The following NCKAP5 variants were observed in gnomAD, a reference collection of about 807,000 sequenced individuals.
The protein encoded by NCKAP5 is nck-associated protein 5.
A neutral mutation model predicts 167.0 loss-of-function variants in NCKAP5; 92 were observed. The observed-to-expected ratio is 0.55, with a 90% CI of 0.47 to 0.66. NCKAP5 has a LOEUF of 0.66. Ranked by LOEUF, NCKAP5 falls within the 30% of genes least tolerant of loss-of-function variation. The probability of loss-of-function intolerance (pLI) is 0.00; values close to 1 mark genes in which losing one functional copy is unlikely to be tolerated. For missense variants in NCKAP5, 2,378 were observed against 2,315.0 expected (o/e 1.03, Z -0.56); for synonymous variants, 891 against 877.4 (o/e 1.02, Z -0.27).
chr2:133,562,295 G>C (rs1192518278), intron 1 of NCKAP5, among the ~76,000 whole-genome samples: 1 of 152,010 alleles, frequency 6.6e-6, no homozygotes, highest in African/African-American at 2.4e-5. Flanking sequence ...CTATTGTTTA[G>C]TACTAATATT....
intron 6 of NCKAP5, among the ~76,000 whole-genome samples, chr2:133,027,734 C>A (rs2078746903): frequency 6.6e-6 from 1 of 152,184 alleles, no homozygotes; most frequent in Admixed American, 6.5e-5. Flanking sequence ...TCCAACAATG[C>A]ATATTATATG....
At chr2:133,352,238 C>T (rs1230818067) in intron 3 of NCKAP5, among the ~76,000 whole-genome samples, 5 of 152,184 alleles carry the variant, frequency 3.3e-5, no homozygotes, top group Non-Finnish European at 5.9e-5. Flanking sequence ...TATACATTTT[C>T]GTTATATTCT....
At chr2:133,516,624 G>C (rs1021089406) in intron 3 of NCKAP5, among the ~76,000 whole-genome samples, 4 of 152,314 alleles carry the variant, frequency 2.6e-5, no homozygotes, top group African/African-American at 9.6e-5. Context: ...AGGTATAACG[G>C]ATAAATCAAA....
intron 3 of NCKAP5, among the ~76,000 whole-genome samples, chr2:133,395,629 A>G (rs947938340): frequency 1.3e-5 from 2 of 152,200 alleles, no homozygotes; most frequent in African/African-American, 4.8e-5. Flanking sequence ...TGTCACATAC[A>G]TAGCAAAGAT....
At chr2:132,940,750 C>G (rs1295457199) in intron 8 of NCKAP5, among the ~76,000 whole-genome samples, 2 of 150,954 alleles carry the variant, frequency 1.3e-5, no homozygotes, top group East Asian at 3.9e-4. Context: ...TCTAATCATG[C>G]CACAAGATTA....
intron 9 of NCKAP5, among the ~76,000 whole-genome samples, chr2:132,875,084 C>T (rs1205573443): frequency 6.6e-6 from 1 of 152,130 alleles, no homozygotes; most frequent in East Asian, 1.9e-4. Flanking sequence ...TACAGCACAG[C>T]ATTCAGATAA....
intron 3 of NCKAP5, among the ~76,000 whole-genome samples, chr2:133,348,097 C>T (rs1215041109): frequency 3.9e-5 from 6 of 152,002 alleles, no homozygotes; most frequent in Non-Finnish European, 5.9e-5. Flanking sequence ...TATGAGGATC[C>T]CTGTTTTTAG....
the NCKAP5 span, among the ~76,000 whole-genome samples, chr2:133,623,848 T>C: frequency 1.3e-5 from 2 of 152,268 alleles, no homozygotes; most frequent in Non-Finnish European, 2.9e-5. Flanking sequence ...CACACACATG[T>C]TCACTGCAGC....
At chr2:132,729,666 G>A (rs1449614167) in intron 17 of NCKAP5, among the ~76,000 whole-genome samples, 1 of 152,164 alleles carries the variant, frequency 6.6e-6, no homozygotes, top group Non-Finnish European at 1.5e-5. Context: ...GGTGTAATTA[G>A]CAGAGAACAA....
At chr2:133,485,657 C>G (rs542336670) in intron 3 of NCKAP5, among the ~76,000 whole-genome samples, 3 of 152,146 alleles carry the variant, frequency 2.0e-5, no homozygotes, top group African/African-American at 7.2e-5. Context: ...GAACTATTAA[C>G]TCAGCCCTTC....
intron 3 of NCKAP5, among the ~76,000 whole-genome samples, chr2:133,308,157 C>T (rs1176149783): frequency 7.3e-6 from 1 of 136,270 alleles, no homozygotes; most frequent in South Asian, 2.2e-4. Context: ...GGCGGGATCT[C>T]GGCTCACTGC....
the NCKAP5 span, among the ~76,000 whole-genome samples, chr2:133,647,832 G>A: frequency 3.3e-5 from 5 of 152,002 alleles, no homozygotes; most frequent in African/African-American, 9.7e-5. Context: ...GGCAGGGCAG[G>A]GCAGGGCAGG....
intron 6 of NCKAP5, among the ~76,000 whole-genome samples, chr2:133,098,527 C>T (rs1196789037): frequency 3.3e-5 from 5 of 152,162 alleles, no homozygotes; most frequent in Non-Finnish European, 7.4e-5. Flanking sequence ...ATTAAACTTA[C>T]TGCTCGTGGT....
intron 5 of NCKAP5, among the ~76,000 whole-genome samples, chr2:133,197,230 A>G (rs143680026): frequency 5.5e-4 from 84 of 152,320 alleles, no homozygotes; most frequent in Middle Eastern, 3.4e-3. Flanking sequence ...AGCTACACCT[A>G]TGTGGATCTG....
intron 3 of NCKAP5, among the ~76,000 whole-genome samples, chr2:133,318,947 A>G (rs1387935812): frequency 1.3e-5 from 2 of 152,128 alleles, no homozygotes; most frequent in Non-Finnish European, 2.9e-5. Context: ...CATTGTTAAC[A>G]TCACCTGCAA....
intron 6 of NCKAP5, among the ~76,000 whole-genome samples, chr2:133,035,799 A>G (rs992178735): frequency 9.2e-5 from 14 of 151,854 alleles, no homozygotes; most frequent in Non-Finnish European, 1.9e-4. Context: ...AACAAACCAA[A>G]CTAAAATTAG....
the NCKAP5 span, among the ~76,000 whole-genome samples, chr2:133,611,247 C>T: frequency 6.6e-6 from 1 of 151,966 alleles, no homozygotes; most frequent in African/African-American, 2.4e-5. Flanking sequence ...AGAGACCACC[C>T]CCACCCTCAA....
At chr2:133,302,688 A>G (rs1680468588) in intron 4 of NCKAP5, among the ~76,000 whole-genome samples, 4 of 143,848 alleles carry the variant, frequency 2.8e-5, no homozygotes, top group Non-Finnish European at 4.6e-5. Context: ...GCTAGATGAC[A>G]CATTAGTGGG....
chr2:133,613,971 A>T, the NCKAP5 span, among the ~76,000 whole-genome samples: 1 of 152,180 alleles, frequency 6.6e-6, no homozygotes, highest in African/African-American at 2.4e-5. Flanking sequence ...GGGCATTTGC[A>T]GGGGACTAAG....
Sources: allele counts gnomAD v4.1 joint callset (sites outside exome capture counted in the v4.1 genomes callset), GRCh38; gene constraint gnomAD v4.1.1; transcripts MANE v1.5; gene names NCBI Gene and HGNC (gene_info 2026-07-23, HGNC 2026-07-21).